Variants in FUT9 observed in about 807,000 individuals in gnomAD.
FUT9 encodes the protein fucosyltransferase 9, also known as 4-galactosyl-N-acetylglucosaminide 3-alpha-L-fucosyltransferase 9.
In FUT9, 15 loss-of-function variants were observed where a neutral mutation model predicts 29.7. That is an observed-to-expected ratio of 0.51 (90% CI 0.34 to 0.78). The LOEUF (loss-of-function observed/expected upper bound fraction) is 0.78. FUT9 is among the 30% of genes least tolerant of loss of function. FUT9 has a pLI of 0.01. For missense variants in FUT9, 319 were observed against 425.4 expected, an observed-to-expected ratio of 0.75 and a Z score of 2.20; for synonymous variants, 169 against 153.7, an observed-to-expected ratio of 1.10 and a Z score of -0.74.
At chr6:96,066,338 AAAT>A (rs1333840618) in intron 1 of FUT9, among the ~76,000 whole-genome samples, 1 of 102,522 alleles carries the variant, frequency 9.8e-6, no homozygotes, top group Non-Finnish European at 2.2e-5. Context: ...ATAGAAATTT[AAAT>A]AAAAATCTAG....
chr6:96,065,330 C>T (rs575131049), intron 1 of FUT9, among the ~76,000 whole-genome samples: 5 of 152,234 alleles, frequency 3.3e-5, no homozygotes, highest in African/African-American at 1.2e-4. Flanking sequence ...AAACAATGCT[C>T]TCTTAAGGAT....
At chr6:96,029,861 A>G (rs1256344927) in intron 1 of FUT9, among the ~76,000 whole-genome samples, 1 of 151,560 alleles carries the variant, frequency 6.6e-6, no homozygotes, top group Non-Finnish European at 1.5e-5. Context: ...AAAGAGCAGG[A>G]AAGAGCAAAA....
chr6:96,142,527 T>C (rs767239992), intron 2 of FUT9, among the ~76,000 whole-genome samples: 1 of 152,180 alleles, frequency 6.6e-6, no homozygotes, highest in African/African-American at 2.4e-5. Flanking sequence ...TGAAGTGCTA[T>C]TCAAAGGTTC....
At chr6:96,080,345 A>G (rs1193831950) in intron 1 of FUT9, among the ~76,000 whole-genome samples, 2 of 151,990 alleles carry the variant, frequency 1.3e-5, no homozygotes, top group African/African-American at 4.8e-5. Context: ...ATTTTAGTAG[A>G]CTTTACATAA....
intron 1 of FUT9, among the ~76,000 whole-genome samples, chr6:96,099,579 C>T (rs1196729892): frequency 1.3e-5 from 2 of 152,010 alleles, no homozygotes; most frequent in Non-Finnish European, 1.5e-5. Flanking sequence ...TGATAAAATG[C>T]CACAAAATCA....
At chr6:96,122,169 G>T (rs1772042091) in intron 2 of FUT9, among the ~76,000 whole-genome samples, 1 of 152,152 alleles carries the variant, frequency 6.6e-6, no homozygotes, top group African/African-American at 2.4e-5. Flanking sequence ...AAATTAAAGA[G>T]ACTCAGTTTC....
At chr6:96,066,771 T>C (rs1254948024) in intron 1 of FUT9, among the ~76,000 whole-genome samples, 1 of 152,068 alleles carries the variant, frequency 6.6e-6, no homozygotes, top group East Asian at 1.9e-4. Context: ...GGGAAAGGCA[T>C]TACTTGCGGA....
chr6:96,100,760 T>G (rs1049135386), intron 1 of FUT9, among the ~76,000 whole-genome samples: 1 of 152,150 alleles, frequency 6.6e-6, no homozygotes, highest in African/African-American at 2.4e-5. Flanking sequence ...AGTTTGACCT[T>G]TGGAATGGGT....
chr6:96,064,119 C>T (rs1431380329), intron 1 of FUT9, among the ~76,000 whole-genome samples: 1 of 152,048 alleles, frequency 6.6e-6, no homozygotes, highest in Non-Finnish European at 1.5e-5. Context: ...AGAACAATTA[C>T]CTCATTTTTG....
At chr6:96,120,919 G>T (rs1582246620) in intron 2 of FUT9, among the ~76,000 whole-genome samples, 1 of 152,050 alleles carries the variant, frequency 6.6e-6, no homozygotes, top group East Asian at 1.9e-4. Flanking sequence ...AGGACAAATA[G>T]ATGGAAAAAT....
At chr6:96,131,140 T>G (rs1772235950) in intron 2 of FUT9, among the ~76,000 whole-genome samples, 2 of 152,252 alleles carry the variant, frequency 1.3e-5, no homozygotes, top group Admixed American at 6.5e-5. Flanking sequence ...TGAGTTCCTA[T>G]TTCTCTTTTA....
intron 1 of FUT9, among the ~76,000 whole-genome samples, chr6:96,029,918 G>T (rs1770231938): frequency 6.6e-6 from 1 of 151,552 alleles, no homozygotes; most frequent in Non-Finnish European, 1.5e-5. Flanking sequence ...CACAAATTCT[G>T]CAATAAGTGG....
At chr6:96,039,644 G>A (rs1770421504) in intron 1 of FUT9, among the ~76,000 whole-genome samples, 1 of 152,072 alleles carries the variant, frequency 6.6e-6, no homozygotes. Context: ...CGTATCATAA[G>A]TAGCCAAACC....
At chr6:96,196,484 C>T (rs996780150) in intron 2 of FUT9, among the ~76,000 whole-genome samples, 1 of 151,938 alleles carries the variant, frequency 6.6e-6, no homozygotes, top group African/African-American at 2.4e-5. Context: ...GAGGTTGAGG[C>T]GGGCAGATCA....
chr6:96,202,846 C>T (rs1192446292), intron 2 of FUT9, among the ~76,000 whole-genome samples: 2 of 151,994 alleles, frequency 1.3e-5, no homozygotes, highest in Non-Finnish European at 2.9e-5. Flanking sequence ...TAGGTTGTGC[C>T]ACTTTTCTAC....
intron 2 of FUT9, among the ~76,000 whole-genome samples, chr6:96,140,285 G>C (rs186139991): frequency 1.4e-4 from 21 of 152,246 alleles, no homozygotes; most frequent in Admixed American, 1.4e-3. Flanking sequence ...AGCCATTTAA[G>C]TCTCTAGGAA....
At chr6:96,042,892 T>C (rs1484812618) in intron 1 of FUT9, among the ~76,000 whole-genome samples, 1 of 152,246 alleles carries the variant, frequency 6.6e-6, no homozygotes, top group African/African-American at 2.4e-5. Context: ...TTTGTGCCGA[T>C]AAACTATGTA....
chr6:96,199,376 C>T (rs990428977), intron 2 of FUT9, among the ~76,000 whole-genome samples: 1 of 152,046 alleles, frequency 6.6e-6, no homozygotes, highest in African/African-American at 2.4e-5. Flanking sequence ...GTAACTGCCC[C>T]TATTATTTAG....
chr6:96,078,624 G>T (rs975648728), intron 1 of FUT9, among the ~76,000 whole-genome samples: 1 of 151,634 alleles, frequency 6.6e-6, no homozygotes, highest in Admixed American at 6.6e-5. Flanking sequence ...GTTTCACCGT[G>T]TTAGCCAGGA....
Sources: gnomAD v4.1 joint callset for allele counts (sites outside exome capture counted in the v4.1 genomes callset) on GRCh38, gnomAD v4.1.1 for gene constraint, MANE v1.5 for transcripts, NCBI Gene and HGNC (gene_info 2026-07-23, HGNC 2026-07-21) for gene names.